MEIS2: variants seen among roughly 807,000 people sequenced by gnomAD.
MEIS2 encodes Meis homeobox 2.
A neutral mutation model predicts 58.6 loss-of-function variants in MEIS2; 9 were observed. The ratio of observed to expected loss-of-function variants is 0.15; its 90% CI spans 0.09 to 0.27. The LOEUF (loss-of-function observed/expected upper bound fraction) is 0.27. MEIS2 is among the 10% of genes least tolerant of loss of function. MEIS2 has a pLI of 1.00. For synonymous variants in MEIS2, 221 were observed against 228.4 expected (o/e 0.97, Z 0.29); for missense variants, 427 against 635.0 (o/e 0.67, Z 3.52).
intron 11 of MEIS2, among the ~76,000 whole-genome samples, chr15:36,892,987 G>T (rs1366412928): frequency 6.6e-6 from 1 of 151,942 alleles, no homozygotes; most frequent in Non-Finnish European, 1.5e-5. Flanking sequence ...CCCCCTTTTT[G>T]AATTAGAGGC....
At chr15:36,952,023 C>T (rs1010838485) in intron 8 of MEIS2, among the ~76,000 whole-genome samples, 1 of 152,124 alleles carries the variant, frequency 6.6e-6, no homozygotes, top group Non-Finnish European at 1.5e-5. Flanking sequence ...GGTCATCAAT[C>T]GTTGCCTGTC....
intron 7 of MEIS2, among the ~76,000 whole-genome samples, chr15:37,073,803 T>A (rs972003927): frequency 8.5e-5 from 13 of 152,082 alleles, no homozygotes; most frequent in Non-Finnish European, 1.6e-4. Flanking sequence ...TCTACTTTCG[T>A]AAATCTTCAA....
intron 7 of MEIS2, among the ~76,000 whole-genome samples, chr15:37,043,244 G>A (rs1257451845): frequency 6.6e-6 from 1 of 152,118 alleles, no homozygotes; most frequent in Non-Finnish European, 1.5e-5. Flanking sequence ...ATATGTCAAG[G>A]AAATAAAGAA....
chr15:36,895,386 G>A, intron 10 of MEIS2, 125 bp from the exon 11 acceptor site: 1 of 753,168 alleles, frequency 1.3e-6, no homozygotes, highest in East Asian at 2.7e-5. Context: ...TACAAATGGG[G>A]GTGTGGTTTG....
intron 8 of MEIS2, among the ~76,000 whole-genome samples, chr15:37,034,494 GCTCTTA>G: frequency 6.6e-6 from 1 of 152,320 alleles, no homozygotes; most frequent in South Asian, 2.1e-4. Flanking sequence ...GTGACTACAA[GCTCTTA>G]CTGTTAGTTC....
At chr15:36,962,550 C>A (rs574438431) in intron 8 of MEIS2, among the ~76,000 whole-genome samples, 1 of 151,090 alleles carries the variant, frequency 6.6e-6, no homozygotes, top group Non-Finnish European at 1.5e-5. Flanking sequence ...TTTTTACTGT[C>A]GCAGTGTTAT....
At chr15:37,091,842 G>A (rs368983892) in intron 6 of MEIS2, among the ~76,000 whole-genome samples, 6 of 152,176 alleles carry the variant, frequency 3.9e-5, no homozygotes, top group South Asian at 4.2e-4. Flanking sequence ...TTTTGGCTCC[G>A]AGAACTGTGA....
At chr15:36,964,539 T>C (rs1482094460) in intron 8 of MEIS2, among the ~76,000 whole-genome samples, 1 of 152,234 alleles carries the variant, frequency 6.6e-6, no homozygotes, top group Non-Finnish European at 1.5e-5. Context: ...TCTCTATCAA[T>C]TCATTTACAT....
chr15:36,939,159 T>C lies in MEIS2; in HGVS notation c.977+11165A>G, dbSNP rs191638233. Among the ~76,000 whole-genome samples, 221 of 152,210 alleles carry C rather than the reference T, an allele frequency of 1.5e-3. 1 individual carries two copies. The highest frequency in any genetic ancestry group is 5.0e-3 in the African/African-American group (208 of 41,540). ...TCCAATCTAATCTCCTCCAAGAAAA[T>C]GCATGCTAATAGCTACCCTCTCACC... On this transcript the variant is annotated intron_variant, in intron 9 of 11. Transcript: ENST00000561208.
chr15:37,036,791 T>C (rs773069775), intron 8 of MEIS2, 23 bp downstream of exon 8: 13 of 1,602,826 alleles, frequency 8.1e-6, no homozygotes, highest in Non-Finnish European at 7.7e-6. Context: ...ACTATTTTTT[T>C]TTTCTCTTTC....
intron 8 of MEIS2, among the ~76,000 whole-genome samples, chr15:36,952,083 T>C (rs960831528): frequency 1.2e-4 from 18 of 152,272 alleles, no homozygotes; most frequent in African/African-American, 4.3e-4. Flanking sequence ...ACACTCTGAT[T>C]CGTCCAAACA....
At chr15:36,916,431 A>T (rs555699208) in intron 9 of MEIS2, among the ~76,000 whole-genome samples, 3,254 of 108,262 alleles carry the variant, frequency 0.03, 47 homozygotes, top group Middle Eastern at 0.064. Context: ...CATCTCAATT[A>T]AAAAAAAAAA....
At chr15:36,917,609 C>T (rs546104470) in intron 9 of MEIS2, among the ~76,000 whole-genome samples, 63 of 152,262 alleles carry the variant, frequency 4.1e-4, no homozygotes, top group Middle Eastern at 6.8e-3. Context: ...CTAAAAATTC[C>T]GACTTCTTGA....
intron 9 of MEIS2, among the ~76,000 whole-genome samples, chr15:36,900,689 T>G (rs1464581326): frequency 6.6e-6 from 1 of 152,176 alleles, no homozygotes; most frequent in Non-Finnish European, 1.5e-5. Flanking sequence ...CCCAGAGACC[T>G]CTCCTGTCCT....
rs537550292 is a variant in MEIS2, at chr15:36,916,426, C to T, written c.978-19740G>A. On this transcript the variant is annotated intron_variant, in intron 9 of 11. Transcript: ENST00000561208. ...TGGGTGATGGAGCGAGACTCCATCT[C>T]AATTAAAAAAAAAAAAAAAAAAAGA... is the stretch of plus-strand genomic sequence containing the variant. Among the ~76,000 whole-genome samples the T allele has an allele frequency of 5.1e-4, 64 of 126,506 alleles. 3 individuals are homozygous for T. The Middle Eastern group carries it at 0.046, about 91-fold the overall frequency. 83.0% of individuals were successfully genotyped at this position (126,506 alleles called of 152,430 possible).
intron 7 of MEIS2, among the ~76,000 whole-genome samples, chr15:37,050,575 A>G (rs922524535): frequency 1.3e-5 from 2 of 152,202 alleles, no homozygotes; most frequent in Non-Finnish European, 2.9e-5. Context: ...AATTAGGAAG[A>G]GTATCCGACA....
intron 7 of MEIS2, chr15:37,066,422 T>G (rs1889936221): frequency 6.6e-6 from 1 of 152,204 alleles, no homozygotes; most frequent in African/African-American, 2.4e-5. Flanking sequence ...CAAGAAAATT[T>G]TAAATGGCTT....
At chr15:37,029,817 C>G (rs1388883029) in intron 8 of MEIS2, among the ~76,000 whole-genome samples, 1 of 152,138 alleles carries the variant, frequency 6.6e-6, no homozygotes, top group African/African-American at 2.4e-5. Flanking sequence ...AATAATATCA[C>G]AGAGTTCACA....
intron 9 of MEIS2, among the ~76,000 whole-genome samples, chr15:36,933,383 G>T (rs1215002809): frequency 6.6e-6 from 1 of 152,156 alleles, no homozygotes; most frequent in Non-Finnish European, 1.5e-5. Context: ...ATAGTTGCCT[G>T]AGAATCTAGT....
Sources: allele counts gnomAD v4.1 joint callset (sites outside exome capture counted in the v4.1 genomes callset), GRCh38; gene constraint gnomAD v4.1.1; transcripts MANE v1.5; gene names NCBI Gene and HGNC (gene_info 2026-07-23, HGNC 2026-07-21).